The following ZMYM2 variants were observed in gnomAD, a reference collection of about 807,000 sequenced individuals.
The protein encoded by ZMYM2 is zinc finger MYM-type containing 2, also known as zinc finger MYM-type protein 2.
ZMYM2 carries 56 observed loss-of-function variants against 162.8 expected under a neutral mutation model. The observed-to-expected ratio is 0.34, with a 90% confidence interval of 0.28 to 0.43. ZMYM2 has a LOEUF of 0.43. ZMYM2 is among the 20% of genes least tolerant of loss of function. ZMYM2 has a pLI of 1.00. For missense variants in ZMYM2, 1,275 were observed against 1,621.8 expected, an observed-to-expected ratio of 0.79 and a Z score of 3.67; for synonymous variants, 510 against 541.6, an observed-to-expected ratio of 0.94 and a Z score of 0.81.
the ZMYM2 span, among the ~76,000 whole-genome samples, chr13:19,878,517 C>CTTTTT: frequency 1.0e-5 from 1 of 99,028 alleles, no homozygotes; most frequent in African/African-American, 3.5e-5. Flanking sequence ...TTCCTTTGCC[C>CTTTTT]TTTTTTTTTT....
Position 19,982,453 on chromosome 13 carries a change from A to G in ZMYM2, c.-10-10610A>G, listed in dbSNP as rs548002174. ...CAGGTGTGCGCCACCATGCCTGGCT[A>G]ATTCTTGTATTTTTAGTAGAGATGG... On this transcript the variant is annotated intron_variant, in intron 2 of 24. Transcript: ENST00000610343. Among the ~76,000 whole-genome samples the G allele has an allele frequency of 5.2e-4, 79 of 151,650 alleles. 1 individual carries two copies. The South Asian group carries it at 0.011, about 21-fold the overall frequency.
intron 9 of ZMYM2, among the ~76,000 whole-genome samples, chr13:20,030,910 T>C (rs1953070464): frequency 6.6e-6 from 1 of 152,182 alleles, no homozygotes; most frequent in Non-Finnish European, 1.5e-5. Flanking sequence ...ATTAGTAAAT[T>C]AGATATTTGA....
At chr13:19,912,760 C>G in the ZMYM2 span, among the ~76,000 whole-genome samples, 1 of 152,142 alleles carries the variant, frequency 6.6e-6, no homozygotes, top group Admixed American at 6.6e-5. Context: ...TACTGGTAAG[C>G]CACTTACATA....
chr13:20,006,239 A>C, intron 5 of ZMYM2, 135 bp from the exon 6 acceptor site: 2 of 894,364 alleles, frequency 2.2e-6, no homozygotes, highest in Non-Finnish European at 3.0e-6. Flanking sequence ...CTTTAAAAAA[A>C]AAAAAAAAAT....
intron 2 of ZMYM2, among the ~76,000 whole-genome samples, chr13:19,969,493 T>A (rs1027110485): frequency 2.9e-4 from 44 of 152,108 alleles, no homozygotes; most frequent in Non-Finnish European, 1.5e-5. Context: ...GAACTTGTGA[T>A]GAGAGTGCTG....
chr13:20,046,581 A>ATATATGTGTGTGTGTGTG (rs1270115549), intron 12 of ZMYM2, among the ~76,000 whole-genome samples: 4 of 117,514 alleles, frequency 3.4e-5, no homozygotes, highest in East Asian at 2.4e-4. Flanking sequence ...ATATATATAT[A>ATATATGTGTGTGTGTGTG]TGTGTGTGTG....
intron 14 of ZMYM2, among the ~76,000 whole-genome samples, chr13:20,054,119 C>G (rs1004215480): frequency 6.6e-6 from 1 of 152,240 alleles, no homozygotes; most frequent in African/African-American, 2.4e-5. Flanking sequence ...CCTCTCCCAT[C>G]TTTTCTTTGT....
rs1950608447 is a variant in ZMYM2, at chr13:20,004,547, G to A, written c.1134-527G>A. On this transcript the variant is annotated intron_variant, in intron 4 of 24. Coordinates refer to ENST00000610343, the MANE Select transcript of ZMYM2 (RefSeq NM_197968.4). ...TGGGATTACAGGCGTGAGCCACTGC[G>A]CTCAGCAGTATTGTCATTTTCTAAT... Among the ~76,000 whole-genome samples, 6 of 152,330 alleles carry A rather than the reference G, an allele frequency of 3.9e-5. No individual in the cohort carries two copies. In the South Asian group the frequency reaches 8.3e-4, roughly 21 times the overall value.
chr13:19,986,516 A>G (rs1172073368), intron 2 of ZMYM2, among the ~76,000 whole-genome samples: 1 of 152,206 alleles, frequency 6.6e-6, no homozygotes. Flanking sequence ...TATAGCAAAA[A>G]TAAGATATAC....
the ZMYM2 span, among the ~76,000 whole-genome samples, chr13:19,902,961 A>AAG: frequency 2.0e-5 from 3 of 152,018 alleles, no homozygotes; most frequent in Non-Finnish European, 4.4e-5. Flanking sequence ...GTTTGAGACC[A>AAG]GCCTGACCAA....
chr13:20,003,775 A>G (rs1464707096), intron 4 of ZMYM2, among the ~76,000 whole-genome samples: 1 of 151,844 alleles, frequency 6.6e-6, no homozygotes, highest in Admixed American at 6.6e-5. Context: ...CAGCCTCCCG[A>G]GTAGTTAGGA....
At chr13:19,885,877 A>C in the ZMYM2 span, among the ~76,000 whole-genome samples, 41 of 115,152 alleles carry the variant, frequency 3.6e-4, 3 homozygotes, top group African/African-American at 1.4e-3. Context: ...ATATATGTAT[A>C]TACACATATA....
At chr13:19,990,857 A>G (rs1949544358) in intron 2 of ZMYM2, among the ~76,000 whole-genome samples, 1 of 152,126 alleles carries the variant, frequency 6.6e-6, no homozygotes. Flanking sequence ...CATCCTATCT[A>G]CAATTTAATC....
At chr13:19,982,251 G>A (rs1957396227) in intron 2 of ZMYM2, among the ~76,000 whole-genome samples, 1 of 142,614 alleles carries the variant, frequency 7.0e-6, no homozygotes, top group Admixed American at 7.0e-5. Context: ...TTGCTTTTCA[G>A]TAGTTTTCAC....
Position 19,993,758 on chromosome 13 carries a change from C to T in ZMYM2, c.686C>T (p.Ser229Phe). ...CAGAATACCAACTTGGGAGATGTCT[C>T]TAACGGACTGCAGTCAAGTAATTTT... is the stretch of plus-strand genomic sequence containing the variant. ...SLQNTNLGDV[S>F]NGLQSSNFGV... The change falls in exon 3 of 25, where the codon TCT (serine) becomes TTT (phenylalanine). Residue 229 changes from serine to phenylalanine, a missense_variant. By Grantham distance (155) the Ser-to-Phe change is radical (BLOSUM62 -2). Around this residue, in one of 10 missense-constraint regions of ZMYM2, gnomAD observed 295 missense variants for 286.7 expected, o/e 1.03. Coordinates refer to ENST00000610343, the MANE Select transcript of ZMYM2 (RefSeq NM_197968.4). The T allele has an allele frequency of 6.2e-7, 1 of 1,614,134 alleles. No homozygotes were observed. Among genetic ancestry groups the T allele is most frequent in the Non-Finnish European group, 8.5e-7 (1 of 1,179,992 alleles).
chr13:19,890,321 G>A, the ZMYM2 span, among the ~76,000 whole-genome samples: 2 of 151,158 alleles, frequency 1.3e-5, no homozygotes, highest in Admixed American at 6.6e-5. Flanking sequence ...AGACCACCAC[G>A]CCTGGCTAAC....
At chr13:19,986,092 G>A (rs1316723432) in intron 2 of ZMYM2, among the ~76,000 whole-genome samples, 2 of 152,040 alleles carry the variant, frequency 1.3e-5, no homozygotes, top group Non-Finnish European at 2.9e-5. Flanking sequence ...AGGAGTCTGA[G>A]ACAGGAGGAT....
At chr13:19,965,261 AC>A (rs1481100735) in intron 2 of ZMYM2, 2 of 1,299,900 alleles carry the variant, frequency 1.5e-6, no homozygotes, top group Non-Finnish European at 2.0e-6. Flanking sequence ...TCACCTGGAT[AC>A]CATCTCTGGA....
chr13:20,033,409 T>C (rs1371579615), intron 10 of ZMYM2, among the ~76,000 whole-genome samples: 2 of 152,154 alleles, frequency 1.3e-5, no homozygotes, highest in Admixed American at 1.3e-4. Context: ...AGTGGTCTCT[T>C]TCTCCTCACT....
Sources: gnomAD v4.1 joint callset for allele counts (sites outside exome capture counted in the v4.1 genomes callset) on GRCh38, gnomAD v4.1.1 for gene constraint, gnomAD v4.1.1 regional missense constraint, MANE v1.5 for transcripts, NCBI Gene and HGNC (gene_info 2026-07-23, HGNC 2026-07-21) for gene names.